The following YLPM1 variants were observed in gnomAD, a reference collection of about 807,000 sequenced individuals.
YLPM1 encodes YLP motif containing 1, also known as YLP motif-containing protein 1.
A neutral mutation model predicts 230.0 loss-of-function variants in YLPM1; 99 were observed. That is an observed-to-expected ratio of 0.43 (90% CI 0.37 to 0.51). YLPM1 has a LOEUF of 0.51. YLPM1 is among the 20% of genes least tolerant of loss of function. YLPM1 has a pLI of 0.00. For missense variants in YLPM1, 2,592 were observed against 2,707.7 expected (o/e 0.96, Z 0.95); for synonymous variants, 984 against 942.5 (o/e 1.04, Z -0.81).
intron 1 of YLPM1, among the ~76,000 whole-genome samples, chr14:74,777,981 AAAAG>A (rs1035922876): frequency 3.3e-5 from 5 of 151,992 alleles, no homozygotes; most frequent in Non-Finnish European, 5.9e-5. Context: ...TCTCAAAAAA[AAAAG>A]AAAGAAAAGA....
At chr14:74,792,971 A>T (rs1259740575) in intron 4 of YLPM1, among the ~76,000 whole-genome samples, 1 of 152,180 alleles carries the variant, frequency 6.6e-6, no homozygotes, top group Non-Finnish European at 1.5e-5. Context: ...GCTAATTTGG[A>T]TATAAAATAT....
chr14:74,778,747 A>G (rs1476028870), intron 2 of YLPM1, 64 bp downstream of exon 2: 15 of 1,415,652 alleles, frequency 1.1e-5, no homozygotes, highest in African/African-American at 1.5e-5. Flanking sequence ...TTCATTTAGT[A>G]TACTTTTATC....
intron 6 of YLPM1, among the ~76,000 whole-genome samples, chr14:74,804,261 T>C (rs1022030231): frequency 2.0e-5 from 3 of 152,246 alleles, no homozygotes; most frequent in Non-Finnish European, 4.4e-5. Context: ...AGCGTCGATG[T>C]GATTTGTGGC....
intron 3 of YLPM1, 103 bp from the exon 4 acceptor site, chr14:74,781,231 A>C: frequency 7.7e-7 from 1 of 1,297,170 alleles, no homozygotes. Context: ...TTAGTGTTCT[A>C]ATTTCCTAAA....
chr14:74,771,305 TGAA>T lies in YLPM1; in HGVS notation c.873+6946_873+6948del, dbSNP rs1230115927. On this transcript the variant is annotated intron_variant, in intron 1 of 20. Coordinates refer to ENST00000325680, the MANE Select transcript of YLPM1 (RefSeq NM_019589.3). Reference sequence around the variant, plus strand: ...AAGTCATCAGCATAAAAATGGTATTTGAAGACACAGAAATAGATGAAGCCTCTC... The same window carrying T: ...AAGTCATCAGCATAAAAATGGTATTTGACACAGAAATAGATGAAGCCTCTC... 2.0e-5 allele frequency among the ~76,000 whole-genome samples: 3 copies of T among 152,254 alleles called. No individual in the cohort carries two copies. In the East Asian group the frequency reaches 5.8e-4, roughly 29 times the overall value.
At chr14:74,835,135 G>C in intron 19 of YLPM1, 130 bp from the exon 20 acceptor site, 1 of 1,183,300 alleles carries the variant, frequency 8.5e-7, no homozygotes, top group Non-Finnish European at 1.2e-6. Context: ...GTTTTCCTGG[G>C]TTAGTTTTTA....
intron 19 of YLPM1, among the ~76,000 whole-genome samples, chr14:74,832,359 G>A (rs1235510509): frequency 1.3e-5 from 2 of 152,146 alleles, no homozygotes; most frequent in South Asian, 2.1e-4. Context: ...TCCAGTGGAG[G>A]AATTCAACAT....
chr14:74,822,507 G>A (rs1380291973), intron 17 of YLPM1, among the ~76,000 whole-genome samples: 2 of 152,126 alleles, frequency 1.3e-5, no homozygotes, highest in African/African-American at 4.8e-5. Context: ...TGGATTATCT[G>A]TTTTATTTCC....
intron 19 of YLPM1, chr14:74,834,762 T>C (rs1307207219): frequency 1.3e-5 from 2 of 156,098 alleles, no homozygotes; most frequent in East Asian, 3.8e-4. Context: ...CCATAGGCAC[T>C]GGCCAGAGAT....
At position 74,763,391 on chromosome 14, in the gene YLPM1, C is replaced by T. The variant is rs891096514; in HGVS notation, c.-99C>T. The T allele has an allele frequency of 5.9e-6, 8 of 1,356,200 alleles. No individual in the cohort carries two copies. Among genetic ancestry groups the T allele is most frequent in the Non-Finnish European group, 7.7e-6 (8 of 1,041,504 alleles). 84.0% of individuals were successfully genotyped at this position (1,356,200 alleles called of 1,614,324 possible). A position where few individuals can be genotyped will look rare whatever the true frequency, so the allele number is the denominator to read the frequency against. On this transcript the variant is annotated 5_prime_UTR_variant, in exon 1 of 21. Coordinates refer to ENST00000325680, the MANE Select transcript of YLPM1 (RefSeq NM_019589.3). The stretch of plus-strand genomic sequence containing the variant: ...GTTTACACGCTCCGGGGCCTGTAGG[C>T]GCCGCGAGTTCCGGCTGTCGCCGTC...
At position 74,772,444 on chromosome 14, in the gene YLPM1, C is replaced by T. The variant is rs559241463; in HGVS notation, c.874-6003C>T. 7.9e-5 allele frequency among the ~76,000 whole-genome samples: 12 copies of T among 151,898 alleles called. No individual in the cohort carries two copies. The East Asian group carries it at 1.5e-3, about 20-fold the overall frequency. ...GAGGATCTGGGCTCACTGCAACCTC[C>T]GCCTCCCAGGTTCAAGCGATTCTCC... On this transcript the variant is annotated intron_variant, in intron 1 of 20. Coordinates refer to ENST00000325680, the MANE Select transcript of YLPM1 (RefSeq NM_019589.3).
intron 19 of YLPM1, among the ~76,000 whole-genome samples, chr14:74,830,669 G>A (rs544047020): frequency 1.3e-5 from 2 of 152,192 alleles, no homozygotes; most frequent in African/African-American, 4.8e-5. Context: ...CATGGTGCTA[G>A]CATCAGCTCC....
rs761281756 is a variant in YLPM1 at position 74,816,625 on chromosome 14, T to G, written c.5620T>G (p.Tyr1874Asp). Residue 1874 changes from tyrosine to aspartate, a missense_variant, in exon 13 of 21, where the codon TAC (tyrosine) becomes GAC (aspartate). Transcript: ENST00000325680. The stretch of plus-strand genomic sequence containing the variant: ...ACCCAGAGTTCTAAGCCTGGATGAT[T>G]ACTTCATCACTGAAGTGGAAAAAGA... ...PAPRVLSLDDYFITEVEKEEK... is the reference protein window; with the variant it reads ...PAPRVLSLDDDFITEVEKEEK... 6.2e-7 allele frequency: 1 copy of G among 1,613,466 alleles called. No individual in the cohort carries two copies. Among genetic ancestry groups the G allele is most frequent in the Non-Finnish European group, 8.5e-7 (1 of 1,179,468 alleles).
chr14:74,823,840 A>G (rs2091542542), intron 17 of YLPM1: 1 of 153,768 alleles, frequency 6.5e-6, no homozygotes, highest in Admixed American at 6.5e-5. Flanking sequence ...TCTTATAGCT[A>G]CTATCACTTG....
In YLPM1 at chr14:74,812,589, T is replaced by C. The variant is rs371628079; in HGVS notation, c.5348-39T>C. The stretch of plus-strand genomic sequence containing the variant: ...GAGAGTTGAATTTCAAAATAATTAC[T>C]CTACAAATAGTAATTTTGTTCAACT... On this transcript the variant is annotated intron_variant, in intron 10 of 20. Transcript: ENST00000325680. 8.5e-5 allele frequency: 135 copies of C among 1,582,338 alleles called. 1 individual carries two copies. The highest frequency in any genetic ancestry group is 7.9e-5 in the Non-Finnish European group (92 of 1,163,254).
chr14:74,789,896 T>C (rs2091189760), intron 4 of YLPM1, among the ~76,000 whole-genome samples: 1 of 151,992 alleles, frequency 6.6e-6, no homozygotes, highest in Admixed American at 6.6e-5. Context: ...AGTGTTGGTA[T>C]TACAGACATG....
At chr14:74,816,123 A>C in intron 11 of YLPM1, 80 bp from the exon 12 acceptor site, 1 of 1,260,954 alleles carries the variant, frequency 7.9e-7, no homozygotes, top group Non-Finnish European at 1.1e-6. Context: ...GGAAAATGGT[A>C]GGTCATTGTT....
At chr14:74,792,873 T>A (rs751350229) in intron 4 of YLPM1, among the ~76,000 whole-genome samples, 2 of 152,226 alleles carry the variant, frequency 1.3e-5, no homozygotes, top group South Asian at 4.1e-4. Flanking sequence ...CATGCTCAAG[T>A]AACTTGCTAA....
Position 74,764,127 on chromosome 14 carries a change from C to T in YLPM1, c.638C>T (p.Ser213Phe). The T allele has an allele frequency of 6.2e-7, 1 of 1,613,586 alleles. No individual in the cohort carries two copies. Among genetic ancestry groups the T allele is most frequent in the Non-Finnish European group, 8.5e-7 (1 of 1,179,820 alleles). Residue 213 changes from serine (S) to phenylalanine (F), a missense_variant, in exon 1 of 21, where the codon TCC (serine) becomes TTC (phenylalanine). Ser to Phe is a radical substitution (Grantham distance 155, BLOSUM62 -2). Coordinates refer to ENST00000325680, the MANE Select transcript of YLPM1 (RefSeq NM_019589.3). ...PTPSYSSSSS[S>F]SQSYLSHSQS... The stretch of plus-strand genomic sequence containing the variant: ...CCTTCTTACTCATCCTCCTCCTCTT[C>T]CTCGCAATCCTATTTGAGCCATTCC...
Sources: gnomAD v4.1 joint callset for allele counts (sites outside exome capture counted in the v4.1 genomes callset) on GRCh38, gnomAD v4.1.1 for gene constraint, MANE v1.5 for transcripts, NCBI Gene and HGNC (gene_info 2026-07-23, HGNC 2026-07-21) for gene names.